The following PHEX variants were observed in gnomAD, a reference collection of about 807,000 sequenced individuals.
The protein encoded by PHEX is phosphate-regulating neutral endopeptidase PHEX.
In PHEX, 16 loss-of-function variants were observed where a neutral mutation model predicts 68.0. That is an observed-to-expected ratio of 0.24 (90% CI 0.16 to 0.36). The LOEUF (loss-of-function observed/expected upper bound fraction) is 0.36. PHEX is among the 10% of genes least tolerant of loss of function. The probability of loss-of-function intolerance (pLI) is 1.00; values close to 1 mark genes in which losing one functional copy is unlikely to be tolerated. For synonymous variants in PHEX, 208 were observed against 205.1 expected, an observed-to-expected ratio of 1.01 and a Z score of -0.12; for missense variants, 480 against 575.5, an observed-to-expected ratio of 0.83 and a Z score of 1.70.
rs140976646 is a variant in PHEX, at chrX:22,044,147, C to A, written c.188-2903C>A. ...TTCTAGGTACCTGCAAGAATACTGG[C>A]GAGATGGAGAGGATACATTTGAGGG... On this transcript the variant is annotated intron_variant, in intron 2 of 21. Coordinates refer to ENST00000379374, the MANE Select transcript of PHEX (RefSeq NM_000444.6). Among the ~76,000 whole-genome samples the A allele has an allele frequency of 4.5e-4, 50 of 110,072 alleles. No homozygotes were observed. The East Asian group carries it at 9.5e-3, about 21-fold the overall frequency.
chrX:22,176,403 A>G (rs1038941836), intron 13 of PHEX, among the ~76,000 whole-genome samples: 2 of 52,419 alleles, frequency 3.8e-5, no homozygotes, highest in Non-Finnish European at 7.0e-5. Flanking sequence ...AAAAAAAAAA[A>G]TATATATATA....
intron 5 of PHEX, among the ~76,000 whole-genome samples, chrX:22,080,022 G>A (rs779149011): frequency 3.6e-5 from 4 of 111,274 alleles, no homozygotes; most frequent in Non-Finnish European, 5.7e-5. Context: ...TAAAAGTGGG[G>A]CAACCAGATA....
chrX:22,219,409 G>A (rs1036549583), intron 17 of PHEX, among the ~76,000 whole-genome samples: 7 of 112,045 alleles, frequency 6.2e-5, no homozygotes, highest in Admixed American at 5.7e-4. Flanking sequence ...TTGATTTATA[G>A]CTTCTCCCTT....
At chrX:22,145,336 C>T (rs372253667) in intron 12 of PHEX, among the ~76,000 whole-genome samples, 5 of 111,917 alleles carry the variant, frequency 4.5e-5, no homozygotes, top group South Asian at 3.8e-4. Context: ...AGGGGCCCGG[C>T]GCAGAGGCTT....
chrX:22,238,904 G>A (rs1309328057), intron 20 of PHEX, among the ~76,000 whole-genome samples: 1 of 111,805 alleles, frequency 8.9e-6, no homozygotes, highest in East Asian at 2.8e-4. Context: ...CCTCAAGTGG[G>A]TCCCGGACCC....
At chrX:22,065,130 C>T (rs1928536428) in intron 3 of PHEX, among the ~76,000 whole-genome samples, 1 of 112,364 alleles carries the variant, frequency 8.9e-6, no homozygotes, top group South Asian at 3.7e-4. Flanking sequence ...TGGAAAGCCT[C>T]ATTGGTATTG....
intron 7 of PHEX, among the ~76,000 whole-genome samples, chrX:22,095,828 A>G (rs35657111): frequency 0.085 from 9,488 of 112,177 alleles, 668 homozygotes; most frequent in African/African-American, 0.23. Context: ...AGTGGGATAC[A>G]TAGTCCTATG....
chrX:22,034,234 CAA>C (rs749249298), intron 1 of PHEX, among the ~76,000 whole-genome samples: 6 of 112,034 alleles, frequency 5.4e-5, no homozygotes, highest in Non-Finnish European at 7.5e-5. Flanking sequence ...AAATTCCAAA[CAA>C]GAGGAAAAAT....
chrX:22,190,900 A>G (rs1030585808), intron 15 of PHEX, among the ~76,000 whole-genome samples: 2 of 112,320 alleles, frequency 1.8e-5, no homozygotes, highest in African/African-American at 3.2e-5. Context: ...GACCATCTGT[A>G]TGTAAGAAAG....
intron 20 of PHEX, among the ~76,000 whole-genome samples, chrX:22,236,626 C>T (rs761511770): frequency 1.2e-4 from 14 of 112,838 alleles, no homozygotes; most frequent in African/African-American, 4.2e-4. Flanking sequence ...TGGAAAGCAG[C>T]CACATTCCTT....
chrX:22,038,582 C>A (rs756507143), intron 2 of PHEX, 45 bp downstream of exon 2: 2 of 865,256 alleles, frequency 2.3e-6, no homozygotes, highest in South Asian at 2.0e-5. Context: ...AATTATGGTA[C>A]CTTGGGAAGT....
intron 14 of PHEX, among the ~76,000 whole-genome samples, chrX:22,183,202 G>A (rs980445136): frequency 4.5e-5 from 5 of 110,634 alleles, no homozygotes; most frequent in African/African-American, 1.3e-4. Context: ...TTCTGTCCTG[G>A]CTTCTAGAAA....
intron 9 of PHEX, among the ~76,000 whole-genome samples, chrX:22,102,202 C>G (rs73201132): frequency 0.014 from 1,589 of 111,323 alleles, 15 homozygotes; most frequent in Non-Finnish European, 0.022. Context: ...TTAACCATCC[C>G]TCCTTCCCTC....
At chrX:22,156,526 C>T (rs766506626) in intron 12 of PHEX, among the ~76,000 whole-genome samples, 18 of 101,814 alleles carry the variant, frequency 1.8e-4, no homozygotes, top group Non-Finnish European at 2.8e-4. Context: ...ACCAATAAAA[C>T]TTTCTTTACA....
chrX:22,091,880 A>G (rs771116602), intron 6 of PHEX, among the ~76,000 whole-genome samples: 1 of 112,332 alleles, frequency 8.9e-6, no homozygotes, highest in South Asian at 3.7e-4. Flanking sequence ...ACATGGTGTC[A>G]GGCAAGAGAG....
chrX:22,160,287 G>A (rs920575231), intron 12 of PHEX, among the ~76,000 whole-genome samples: 2 of 111,540 alleles, frequency 1.8e-5, no homozygotes, highest in African/African-American at 6.5e-5. Flanking sequence ...AGTGTCTCAC[G>A]CCTGTAATCC....
intron 15 of PHEX, among the ~76,000 whole-genome samples, chrX:22,191,960 A>ATGC (rs1934212380): frequency 8.9e-6 from 1 of 112,347 alleles, no homozygotes; most frequent in Non-Finnish European, 1.9e-5. Flanking sequence ...TATATAAATA[A>ATGC]AGTTGAAAAT....
At chrX:22,210,131 T>TATCA (rs2147160515) in intron 15 of PHEX, among the ~76,000 whole-genome samples, 1 of 111,947 alleles carries the variant, frequency 8.9e-6, no homozygotes, top group Non-Finnish European at 1.9e-5. Context: ...GGATTCCATC[T>TATCA]ATCACTCTAG....
intron 15 of PHEX, among the ~76,000 whole-genome samples, chrX:22,191,806 AC>A (rs1934207074): frequency 8.9e-6 from 1 of 112,352 alleles, no homozygotes; most frequent in African/African-American, 3.2e-5. Flanking sequence ...AAAATAACCT[AC>A]ATATTCCTCT....
Sources: gnomAD v4.1 joint callset for allele counts (sites outside exome capture counted in the v4.1 genomes callset) on GRCh38, gnomAD v4.1.1 for gene constraint, MANE v1.5 for transcripts, NCBI Gene and HGNC (gene_info 2026-07-23, HGNC 2026-07-21) for gene names.